PRKG1: variants seen among roughly 807,000 people sequenced by gnomAD.
PRKG1 encodes cGMP-dependent protein kinase 1.
A neutral mutation model predicts 88.1 loss-of-function variants in PRKG1; 35 were observed. The observed-to-expected ratio is 0.40, with a 90% CI of 0.30 to 0.53. The LOEUF is 0.53. PRKG1 is among the 20% of genes least tolerant of loss of function. The pLI is 0.59. For synonymous variants in PRKG1, 303 were observed against 292.5 expected (o/e 1.04, Z -0.37); for missense variants, 540 against 839.8 (o/e 0.64, Z 4.41).
At chr10:52,280,718 GAAAA>G in intron 12 of PRKG1, 67 bp from the exon 13 acceptor site, 1 of 1,390,788 alleles carries the variant, frequency 7.2e-7, no homozygotes, top group Non-Finnish European at 9.8e-7. Flanking sequence ...AGTGAAATGA[GAAAA>G]AAAAAATAAA....
intron 3 of PRKG1, among the ~76,000 whole-genome samples, chr10:51,620,379 TAA>T (rs1839175379): frequency 6.6e-6 from 1 of 152,076 alleles, no homozygotes; most frequent in Non-Finnish European, 1.5e-5. Context: ...CCCTAGACAC[TAA>T]AGATACCAAG....
intron 2 of PRKG1, among the ~76,000 whole-genome samples, chr10:51,289,669 T>TGA (rs34176694): frequency 0.024 from 3,514 of 148,420 alleles, 86 homozygotes; most frequent in African/African-American, 0.059. Context: ...GTAGATTCCA[T>TGA]GAGAGAGAGA....
At chr10:51,280,889 A>G (rs547532701) in intron 2 of PRKG1, among the ~76,000 whole-genome samples, 1 of 152,328 alleles carries the variant, frequency 6.6e-6, no homozygotes, top group Admixed American at 6.5e-5. Flanking sequence ...TCCATCCAGC[A>G]TTGTTCCATT....
intron 4 of PRKG1, among the ~76,000 whole-genome samples, chr10:51,805,458 G>A (rs183579146): frequency 3.3e-5 from 5 of 151,852 alleles, no homozygotes; most frequent in Admixed American, 6.6e-5. Context: ...TTTTTAAAAA[G>A]CACTTATTTT....
intron 3 of PRKG1, among the ~76,000 whole-genome samples, chr10:51,717,949 G>A (rs917598026): frequency 3.9e-5 from 6 of 152,026 alleles, no homozygotes; most frequent in African/African-American, 1.4e-4. Flanking sequence ...CATTATAATA[G>A]TTTTCTAAAT....
chr10:51,886,082 A>G (rs936693077), intron 4 of PRKG1, among the ~76,000 whole-genome samples: 2 of 152,174 alleles, frequency 1.3e-5, no homozygotes, highest in Non-Finnish European at 2.9e-5. Context: ...CTGGACTGCA[A>G]TGACACAATC....
At chr10:51,851,151 A>T (rs553407399) in intron 4 of PRKG1, among the ~76,000 whole-genome samples, 3 of 152,324 alleles carry the variant, frequency 2.0e-5, no homozygotes, top group South Asian at 4.1e-4. Context: ...AGGTAGCAAA[A>T]GGTAATATGC....
chr10:51,486,179 T>G (rs1840533908), intron 3 of PRKG1, among the ~76,000 whole-genome samples: 1 of 152,106 alleles, frequency 6.6e-6, no homozygotes, highest in Admixed American at 6.6e-5. Flanking sequence ...TTACAGTAGC[T>G]CTCTGGGACT....
chr10:51,155,037 A>G (rs1846171633), intron 2 of PRKG1, among the ~76,000 whole-genome samples: 1 of 152,048 alleles, frequency 6.6e-6, no homozygotes, highest in Admixed American at 6.6e-5. Context: ...CAGATATTAT[A>G]TTGGTCAGCA....
At chr10:51,648,974 C>T (rs752746948) in intron 3 of PRKG1, among the ~76,000 whole-genome samples, 6 of 152,016 alleles carry the variant, frequency 3.9e-5, no homozygotes, top group Admixed American at 6.6e-5. Flanking sequence ...TAGGATGAGG[C>T]GGGCGGAACA....
chr10:51,109,073 T>TG (rs1844917596), intron 1 of PRKG1, among the ~76,000 whole-genome samples: 1 of 152,078 alleles, frequency 6.6e-6, no homozygotes, highest in Admixed American at 6.6e-5. Context: ...AGATCATTAA[T>TG]GAAATAAATT....
intron 3 of PRKG1, among the ~76,000 whole-genome samples, chr10:51,488,323 C>T (rs1363408130): frequency 1.3e-5 from 2 of 152,106 alleles, no homozygotes; most frequent in Admixed American, 1.3e-4. Flanking sequence ...TTTAAATGGA[C>T]TACAAGTTCT....
chr10:51,864,952 G>A (rs1213232873), intron 4 of PRKG1, among the ~76,000 whole-genome samples: 1 of 151,996 alleles, frequency 6.6e-6, no homozygotes, highest in Non-Finnish European at 1.5e-5. Flanking sequence ...AATCAATTAA[G>A]GTGTGCTCTT....
chr10:52,213,650 A>G (rs529206596), intron 9 of PRKG1, among the ~76,000 whole-genome samples: 35 of 152,328 alleles, frequency 2.3e-4, no homozygotes, highest in African/African-American at 8.2e-4. Context: ...TAGTAGAGCC[A>G]TCCGGCTTCC....
At chr10:51,019,511 G>T (rs1843107250) in intron 1 of PRKG1, among the ~76,000 whole-genome samples, 1 of 151,976 alleles carries the variant, frequency 6.6e-6, no homozygotes, top group Admixed American at 6.6e-5. Flanking sequence ...TGGATCAAAG[G>T]CCTAAATGTA....
chr10:51,425,486 A>C, intron 2 of PRKG1, among the ~76,000 whole-genome samples: 1 of 152,250 alleles, frequency 6.6e-6, no homozygotes, highest in East Asian at 1.9e-4. Flanking sequence ...CAGTTTTTTC[A>C]GTTGATAAGA....
intron 2 of PRKG1, 112 bp from the exon 3 acceptor site, chr10:51,467,611 T>C (rs1485831697): frequency 1.2e-5 from 9 of 761,224 alleles, no homozygotes; most frequent in Non-Finnish European, 1.5e-5. Context: ...TTTGTTTTAA[T>C]TGGTAACTGC....
rs552254509 is a variant in PRKG1 at position 51,923,778 on chromosome 10, TTAAGAA to T, written c.762+16215_762+16220del. Among the ~76,000 whole-genome samples, 424 of 152,132 alleles carry T rather than the reference TTAAGAA, an allele frequency of 2.8e-3. 1 individual carries two copies. Among genetic ancestry groups the T allele is most frequent in the African/African-American group, 9.1e-3 (378 of 41,544 alleles). On this transcript the variant is annotated intron_variant, in intron 5 of 17. Coordinates refer to ENST00000373980, the MANE Select transcript of PRKG1 (RefSeq NM_006258.4). ...AACCAGTTGTTACCTGTTAAATCAA[TTAAGAA>T]TAAGAAAAATAAATGAATTTATTTT... is the stretch of plus-strand genomic sequence containing the variant.
chr10:51,221,560 G>A (rs1182269873), intron 2 of PRKG1, among the ~76,000 whole-genome samples: 1 of 150,366 alleles, frequency 6.7e-6, no homozygotes, highest in Non-Finnish European at 1.5e-5. Flanking sequence ...ATGGTTCCTT[G>A]GTTTACAACA....
Sources: allele counts gnomAD v4.1 joint callset (sites outside exome capture counted in the v4.1 genomes callset), GRCh38; gene constraint gnomAD v4.1.1; transcripts MANE v1.5; gene names NCBI Gene and HGNC (gene_info 2026-07-23, HGNC 2026-07-21).